CDH12: variants seen among roughly 807,000 people sequenced by gnomAD.
The protein encoded by CDH12 is cadherin-12.
In CDH12, 41 loss-of-function variants were observed where a neutral mutation model predicts 74.1. That is an observed-to-expected ratio of 0.55 (90% CI 0.43 to 0.72). The LOEUF is 0.72. Ranked by LOEUF, CDH12 falls within the 30% of genes least tolerant of loss-of-function variation. The pLI is 0.00. For missense variants in CDH12, 945 were observed against 977.2 expected, an observed-to-expected ratio of 0.97 and a Z score of 0.44; for synonymous variants, 399 against 355.0, an observed-to-expected ratio of 1.12 and a Z score of -1.39.
chr5:21,898,534 C>G (rs1215936598), intron 6 of CDH12, among the ~76,000 whole-genome samples: 2 of 151,948 alleles, frequency 1.3e-5, no homozygotes, highest in Non-Finnish European at 2.9e-5. Context: ...AACCCCGTCT[C>G]TACTAAAAAT....
Position 21,813,365 on chromosome 5 carries a change from A to C in CDH12, c.1002+3580T>G, listed in dbSNP as rs185786775. Among the ~76,000 whole-genome samples, 194 of 152,218 alleles carry C rather than the reference A, an allele frequency of 1.3e-3. No homozygotes were observed. The Middle Eastern group carries it at 0.014, about 11-fold the overall frequency. On this transcript the variant is annotated intron_variant, in intron 9 of 14. Transcript: ENST00000382254. The stretch of plus-strand genomic sequence containing the variant: ...CATGTTGGCAGGCACCTGTAATCCC[A>C]ACTACTTGGGAGGCTGAGGCAGGAG...
chr5:21,818,783 A>C (rs541511157), intron 8 of CDH12, among the ~76,000 whole-genome samples: 1 of 152,070 alleles, frequency 6.6e-6, no homozygotes, highest in East Asian at 1.9e-4. Flanking sequence ...TCAAAAATGC[A>C]CTTAAAAGTT....
intron 2 of CDH12, among the ~76,000 whole-genome samples, chr5:22,467,589 T>G (rs558328601): frequency 6.6e-6 from 1 of 152,350 alleles, no homozygotes; most frequent in Admixed American, 6.5e-5. Flanking sequence ...AGGGACTTGG[T>G]CTTTCTTGTT....
chr5:22,836,520 C>T lies in CDH12; in HGVS notation c.-523+16538G>A, dbSNP rs796977921. On this transcript the variant is annotated intron_variant, in intron 1 of 14. Transcript: ENST00000382254. Reference sequence around the variant, plus strand: ...CTGGGATTACAGGCATGAGCCACTGCGCCCAGCCAGTCCTGATGCTTTTTA... The same window carrying T: ...CTGGGATTACAGGCATGAGCCACTGTGCCCAGCCAGTCCTGATGCTTTTTA... Among the ~76,000 whole-genome samples, 10 of 151,964 alleles carry T rather than the reference C, an allele frequency of 6.6e-5. No homozygotes were observed. The South Asian group carries it at 1.0e-3, about 16-fold the overall frequency.
chr5:22,753,169 A>C (rs1010591399), intron 1 of CDH12, among the ~76,000 whole-genome samples: 3 of 152,050 alleles, frequency 2.0e-5, no homozygotes, highest in Admixed American at 6.6e-5. Flanking sequence ...TAAGACATTA[A>C]CAAGCTTGAT....
chr5:22,841,470 C>CA (rs927126232), intron 1 of CDH12, among the ~76,000 whole-genome samples: 5 of 151,114 alleles, frequency 3.3e-5, no homozygotes, highest in Admixed American at 1.3e-4. Context: ...GTAGATATGC[C>CA]AAAAAAAAGT....
intron 8 of CDH12, among the ~76,000 whole-genome samples, chr5:21,837,927 A>T (rs774937800): frequency 1.3e-5 from 2 of 152,126 alleles, no homozygotes; most frequent in Non-Finnish European, 2.9e-5. Context: ...GATCACAGTG[A>T]TCTCCTTGAT....
intron 1 of CDH12, among the ~76,000 whole-genome samples, chr5:22,668,831 G>A (rs539178063): frequency 1.3e-5 from 2 of 152,026 alleles, no homozygotes; most frequent in Non-Finnish European, 2.9e-5. Flanking sequence ...CATCTCAGCT[G>A]TATCTCCACC....
At chr5:22,142,776 C>T (rs1222032645) in intron 4 of CDH12, 1 of 243,774 alleles carries the variant, frequency 4.1e-6, no homozygotes, top group East Asian at 1.3e-4. Flanking sequence ...TATACTAGAT[C>T]CATTCTTCTT....
At chr5:22,581,753 T>A (rs1433986487) in intron 1 of CDH12, among the ~76,000 whole-genome samples, 1 of 152,204 alleles carries the variant, frequency 6.6e-6, no homozygotes, top group East Asian at 1.9e-4. Flanking sequence ...GCTGGGCTCT[T>A]AATCTGATAG....
chr5:21,937,913 T>C (rs1028566486), intron 6 of CDH12, among the ~76,000 whole-genome samples: 5 of 152,176 alleles, frequency 3.3e-5, no homozygotes, highest in African/African-American at 1.2e-4. Flanking sequence ...AGGAGGAGTC[T>C]TGAAGACAAT....
chr5:22,300,656 A>C (rs1737840156), intron 3 of CDH12, among the ~76,000 whole-genome samples: 1 of 152,206 alleles, frequency 6.6e-6, no homozygotes, highest in African/African-American at 2.4e-5. Flanking sequence ...AATGCTGTGA[A>C]ATGTTATGAA....
intron 1 of CDH12, among the ~76,000 whole-genome samples, chr5:22,715,576 G>A (rs545309930): frequency 1.3e-4 from 20 of 152,124 alleles, no homozygotes; most frequent in South Asian, 4.2e-4. Context: ...AGGCCAAGGC[G>A]GGTGGATCAC....
At chr5:22,675,301 G>A (rs1213165201) in intron 1 of CDH12, among the ~76,000 whole-genome samples, 2 of 152,168 alleles carry the variant, frequency 1.3e-5, no homozygotes, top group African/African-American at 4.8e-5. Context: ...TTCAGAGGGT[G>A]GAAGCCCCAA....
At chr5:21,911,232 T>G (rs1022196703) in intron 6 of CDH12, among the ~76,000 whole-genome samples, 2 of 152,148 alleles carry the variant, frequency 1.3e-5, no homozygotes, top group African/African-American at 4.8e-5. Context: ...ATTAAAGTCA[T>G]AAACTAAATT....
At chr5:21,960,307 T>C (rs1280136071) in intron 6 of CDH12, among the ~76,000 whole-genome samples, 7 of 152,180 alleles carry the variant, frequency 4.6e-5, no homozygotes, top group African/African-American at 1.4e-4. Context: ...GTGGTCCATA[T>C]GTAAGTCTTT....
chr5:22,706,532 A>T (rs1743018067), intron 1 of CDH12, among the ~76,000 whole-genome samples: 2 of 151,946 alleles, frequency 1.3e-5, no homozygotes, highest in Admixed American at 1.3e-4. Flanking sequence ...TTCCAAATTC[A>T]ATTTAAATGT....
At chr5:22,762,733 T>G (rs924285571) in intron 1 of CDH12, among the ~76,000 whole-genome samples, 2 of 152,086 alleles carry the variant, frequency 1.3e-5, no homozygotes, top group African/African-American at 2.4e-5. Flanking sequence ...GAAATTCCTA[T>G]AAATACATTC....
chr5:22,628,926 C>G (rs539492426), intron 1 of CDH12, among the ~76,000 whole-genome samples: 1 of 151,414 alleles, frequency 6.6e-6, no homozygotes, highest in Admixed American at 6.6e-5. Context: ...TTACCACTGA[C>G]CCCTCAGAAA....
Sources: allele counts gnomAD v4.1 joint callset (sites outside exome capture counted in the v4.1 genomes callset), GRCh38; gene constraint gnomAD v4.1.1; transcripts MANE v1.5; gene names NCBI Gene and HGNC (gene_info 2026-07-23, HGNC 2026-07-21).